The following STPG2 variants were observed in gnomAD, a reference collection of about 807,000 sequenced individuals.
STPG2 encodes the protein sperm-tail PG-rich repeat-containing protein 2.
In STPG2, 56 loss-of-function variants were observed where a neutral mutation model predicts 54.2. The observed-to-expected ratio is 1.03, with a 90% confidence interval of 0.83 to 1.29. The LOEUF (loss-of-function observed/expected upper bound fraction) is 1.29. STPG2 is among the 50% of genes most tolerant of loss of function. STPG2 has a pLI of 0.00. For missense variants in STPG2, 596 were observed against 544.9 expected, an observed-to-expected ratio of 1.09 and a Z score of -0.93; for synonymous variants, 200 against 181.8, an observed-to-expected ratio of 1.10 and a Z score of -0.81.
rs573640882 is a variant in STPG2, at chr4:97,983,415, T to G, written c.613-2097A>C. Reference sequence around the variant, plus strand: ...CAAAAGCCACATGCAGATTTTCAAATGCTTGGAGGGTTGGCATCCCTAATC... The same window carrying G: ...CAAAAGCCACATGCAGATTTTCAAAGGCTTGGAGGGTTGGCATCCCTAATC... On this transcript the variant is annotated intron_variant, in intron 5 of 10. Transcript: ENST00000295268. Among the ~76,000 whole-genome samples the G allele has an allele frequency of 3.3e-5, 5 of 152,322 alleles. No homozygotes were observed. In the South Asian group the frequency reaches 1.0e-3, roughly 32 times the overall value.
intron 8 of STPG2, among the ~76,000 whole-genome samples, chr4:97,939,329 T>C (rs988708634): frequency 9.1e-4 from 4 of 4,410 alleles, no homozygotes; most frequent in Non-Finnish European, 2.2e-3. Context: ...ATCAGATCCA[T>C]GGTCCAATGT....
intron 10 of STPG2, among the ~76,000 whole-genome samples, chr4:97,670,031 G>A (rs1429111559): frequency 6.6e-6 from 1 of 151,490 alleles, no homozygotes; most frequent in Non-Finnish European, 1.5e-5. Context: ...TCCTAACAAA[G>A]GTAAAAAGGT....
chr4:97,927,596 T>C (rs923040671), intron 8 of STPG2, among the ~76,000 whole-genome samples: 6 of 152,166 alleles, frequency 3.9e-5, no homozygotes, highest in South Asian at 2.1e-4. Context: ...TATGCTTATA[T>C]AGCTTTTTAA....
At chr4:97,811,960 T>G (rs1335266348) in intron 9 of STPG2, among the ~76,000 whole-genome samples, 7 of 152,080 alleles carry the variant, frequency 4.6e-5, no homozygotes, top group African/African-American at 1.7e-4. Context: ...AATGAAATGT[T>G]TACAGAAAGA....
intron 10 of STPG2, among the ~76,000 whole-genome samples, chr4:97,702,969 G>C (rs1357428707): frequency 1.3e-5 from 2 of 152,108 alleles, no homozygotes; most frequent in South Asian, 2.1e-4. Flanking sequence ...TTGAGGCTCA[G>C]TATCTGCTTC....
chr4:98,003,654 T>C lies in STPG2; in HGVS notation c.613-22336A>G, dbSNP rs186668130. Among the ~76,000 whole-genome samples, 4 of 152,180 alleles carry C rather than the reference T, an allele frequency of 2.6e-5. No homozygotes were observed. In the East Asian group the frequency reaches 7.7e-4, roughly 29 times the overall value. ...ATTTATATTTCATTTCAAAAGCTCA[T>C]ATGATCGTGTGTTTTCTGGACAACA... On this transcript the variant is annotated intron_variant, in intron 5 of 10. Transcript: ENST00000295268.
intron 5 of STPG2, among the ~76,000 whole-genome samples, chr4:97,994,993 T>C (rs866755620): frequency 1.2e-4 from 18 of 152,000 alleles, no homozygotes; most frequent in African/African-American, 4.3e-4. Flanking sequence ...TGTGAGATAA[T>C]AGGGATGTGG....
At chr4:97,562,063 C>G (rs549322319) in intron 10 of STPG2, among the ~76,000 whole-genome samples, 3 of 152,114 alleles carry the variant, frequency 2.0e-5, no homozygotes, top group African/African-American at 7.2e-5. Flanking sequence ...TTGATTCTTC[C>G]TACTCATGAG....
chr4:97,831,674 A>G (rs1017813478), intron 9 of STPG2, among the ~76,000 whole-genome samples: 2 of 152,216 alleles, frequency 1.3e-5, no homozygotes, highest in Non-Finnish European at 2.9e-5. Flanking sequence ...GCAATAAAAA[A>G]TGATAAAGGG....
At chr4:98,073,666 G>A (rs1235008458) in intron 5 of STPG2, among the ~76,000 whole-genome samples, 1 of 152,124 alleles carries the variant, frequency 6.6e-6, no homozygotes, top group Non-Finnish European at 1.5e-5. Flanking sequence ...GGCGGAGGCT[G>A]CAGTGAGCCA....
chr4:97,486,827 G>GTATATATA (rs773650944), intron 4 of STPG2, among the ~76,000 whole-genome samples: 9 of 130,908 alleles, frequency 6.9e-5, no homozygotes, highest in African/African-American at 2.8e-4. Flanking sequence ...GTGTGTGTGT[G>GTATATATA]TGTATATATA....
chr4:97,882,182 C>T (rs1051397927), intron 8 of STPG2, among the ~76,000 whole-genome samples: 1 of 152,022 alleles, frequency 6.6e-6, no homozygotes, highest in African/African-American at 2.4e-5. Flanking sequence ...ATATGGAATG[C>T]CGGGGAACTG....
intron 5 of STPG2, among the ~76,000 whole-genome samples, chr4:98,064,014 T>A (rs955818119): frequency 6.6e-6 from 1 of 152,064 alleles, no homozygotes; most frequent in African/African-American, 2.4e-5. Flanking sequence ...AGAAAGGTGA[T>A]ATAATAAAAG....
intron 5 of STPG2, among the ~76,000 whole-genome samples, chr4:98,098,635 G>A (rs1408224109): frequency 6.6e-6 from 1 of 152,048 alleles, no homozygotes; most frequent in Non-Finnish European, 1.5e-5. Flanking sequence ...ATCACATCAA[G>A]TTAAAAAGAT....
chr4:97,871,494 G>GA (rs1346905951), intron 8 of STPG2, among the ~76,000 whole-genome samples: 2 of 150,520 alleles, frequency 1.3e-5, no homozygotes, highest in Non-Finnish European at 3.0e-5. Flanking sequence ...CAGAAGAAAT[G>GA]AAAAAAGTCA....
chr4:97,538,880 C>T (rs1246235761), intron 4 of STPG2, among the ~76,000 whole-genome samples: 4 of 152,034 alleles, frequency 2.6e-5, no homozygotes, highest in African/African-American at 7.3e-5. Flanking sequence ...AGAGTGGGGG[C>T]CAATATTCAA....
chr4:97,720,775 G>A (rs768096316), intron 9 of STPG2, among the ~76,000 whole-genome samples: 1 of 151,942 alleles, frequency 6.6e-6, no homozygotes, highest in Non-Finnish European at 1.5e-5. Flanking sequence ...AAATCAAGTT[G>A]TCTTCAAATC....
At chr4:97,856,519 A>C (rs1369203687) in intron 8 of STPG2, among the ~76,000 whole-genome samples, 1 of 152,236 alleles carries the variant, frequency 6.6e-6, no homozygotes, top group Non-Finnish European at 1.5e-5. Flanking sequence ...TTGTATCCCC[A>C]GAGTTTGCTG....
intron 5 of STPG2, chr4:98,026,174 C>T (rs912530150): frequency 4.4e-5 from 59 of 1,345,686 alleles, no homozygotes; most frequent in Non-Finnish European, 5.6e-5. Context: ...GAGGTGGAAT[C>T]GTCCCAAAAT....
Sources: gnomAD v4.1 joint callset for allele counts (sites outside exome capture counted in the v4.1 genomes callset) on GRCh38, gnomAD v4.1.1 for gene constraint, MANE v1.5 for transcripts, NCBI Gene and HGNC (gene_info 2026-07-23, HGNC 2026-07-21) for gene names.